FNDC3A: variants seen among roughly 807,000 people sequenced by gnomAD.
FNDC3A encodes fibronectin type-III domain-containing protein 3A.
In FNDC3A, 32 loss-of-function variants were observed where a neutral mutation model predicts 148.9. The ratio of observed to expected loss-of-function variants is 0.21; its 90% CI spans 0.16 to 0.29. FNDC3A has a LOEUF of 0.29. FNDC3A is among the 10% of genes least tolerant of loss of function. The pLI is 1.00. For missense variants in FNDC3A, 1,191 were observed against 1,452.8 expected, an observed-to-expected ratio of 0.82 and a Z score of 2.93; for synonymous variants, 472 against 473.6, an observed-to-expected ratio of 1.00 and a Z score of 0.04.
Position 49,175,612 on chromosome 13 carries a change from C to T in FNDC3A, c.1530+71C>T, listed in dbSNP as rs961250777. 58 of 1,000,462 alleles carry T rather than the reference C, an allele frequency of 5.8e-5. No homozygotes were observed. The Admixed American group carries it at 9.0e-4, about 16-fold the overall frequency. The allele number at this position is 1,000,462 out of a possible 1,614,324, so 62.0% of individuals were successfully genotyped here. ...AGCTTAAGGAGATTTTGGGCTGAGACGATGGCATTTTCTAAATATACAATC... is the reference window on the plus strand; with the variant it reads ...AGCTTAAGGAGATTTTGGGCTGAGATGATGGCATTTTCTAAATATACAATC... On this transcript the variant is annotated intron_variant, in intron 13 of 25. Coordinates refer to ENST00000492622, the MANE Select transcript of FNDC3A (RefSeq NM_001079673.2).
At chr13:49,064,822 G>C (rs1182134280) in intron 2 of FNDC3A, among the ~76,000 whole-genome samples, 1 of 152,088 alleles carries the variant, frequency 6.6e-6, no homozygotes, top group Non-Finnish European at 1.5e-5. Context: ...TAACATACAG[G>C]GTTTGGGAAA....
intron 24 of FNDC3A, among the ~76,000 whole-genome samples, chr13:49,202,950 G>T (rs1886488697): frequency 6.6e-6 from 1 of 152,178 alleles, no homozygotes; most frequent in Admixed American, 6.5e-5. Flanking sequence ...GTCCAGGCTG[G>T]GTGACAGAGT....
intron 2 of FNDC3A, among the ~76,000 whole-genome samples, chr13:49,017,397 C>CT (rs1296256535): frequency 6.6e-6 from 1 of 151,998 alleles, no homozygotes; most frequent in Non-Finnish European, 1.5e-5. Flanking sequence ...GGTTTAAAGT[C>CT]GTTTTATTAG....
chr13:49,195,940 A>G (rs1215614983), intron 19 of FNDC3A, among the ~76,000 whole-genome samples: 1 of 151,842 alleles, frequency 6.6e-6, no homozygotes, highest in African/African-American at 2.4e-5. Flanking sequence ...CCAGCATGGT[A>G]GTGCACACCC....
At chr13:48,982,685 C>T (rs1034897887) in intron 1 of FNDC3A, among the ~76,000 whole-genome samples, 1 of 152,118 alleles carries the variant, frequency 6.6e-6, no homozygotes, top group African/African-American at 2.4e-5. Context: ...TTTCCTTTGT[C>T]TTTGAGAGTC....
chr13:49,018,061 AATCTGAC>A (rs1426091634), intron 2 of FNDC3A, among the ~76,000 whole-genome samples: 2 of 151,618 alleles, frequency 1.3e-5, no homozygotes, highest in Non-Finnish European at 2.9e-5. Context: ...AACTTTGGTG[AATCTGAC>A]AATTATGTGT....
intron 23 of FNDC3A, among the ~76,000 whole-genome samples, chr13:49,199,401 C>T (rs1398397877): frequency 6.7e-6 from 1 of 150,290 alleles, no homozygotes; most frequent in Non-Finnish European, 1.5e-5. Flanking sequence ...GATCTCGGCT[C>T]ACTGCAATCT....
At chr13:49,169,954 A>G (rs1884669909) in intron 10 of FNDC3A, among the ~76,000 whole-genome samples, 1 of 152,232 alleles carries the variant, frequency 6.6e-6, no homozygotes, top group Non-Finnish European at 1.5e-5. Context: ...TTCCTTTGGT[A>G]GAGCAGTTGA....
chr13:49,145,818 C>T lies in FNDC3A; in HGVS notation c.860C>T (p.Ser287Leu), dbSNP rs960373295. 1.2e-6 allele frequency: 2 copies of T among 1,613,880 alleles called. No individual in the cohort carries two copies. The highest frequency in any genetic ancestry group is 1.7e-6 in the Non-Finnish European group (2 of 1,179,848). ...IQARTVVLTWSPPSSLINGET... is the reference protein window; with the variant it reads ...IQARTVVLTWLPPSSLINGET... The stretch of plus-strand genomic sequence containing the variant: ...GCAAGGACAGTAGTACTTACCTGGT[C>T]ACCACCTTCCAGCCTCATTAATGGT... The change falls in exon 8 of 26, where the codon TCA becomes TTA. Residue 287 changes from serine to leucine, a missense_variant. Physicochemically the swap from Ser to Leu is moderately radical, Grantham distance 145. This residue lies in a region of FNDC3A where 426 missense variants were observed against 473.2 expected (regional missense o/e 0.90). Coordinates refer to ENST00000492622, the MANE Select transcript of FNDC3A (RefSeq NM_001079673.2).
At position 49,207,180 on chromosome 13, in the gene FNDC3A, C is replaced by G. The variant is rs769123874; in HGVS notation, c.3382C>G (p.Leu1128Val). 1.6e-5 allele frequency: 26 copies of G among 1,614,152 alleles called. No homozygotes were observed. In the East Asian group the frequency reaches 5.1e-4, roughly 32 times the overall value. The change falls in exon 26 of 26, where the codon CTG becomes GTG. Residue 1128 changes from leucine to valine, a missense_variant. By Grantham distance (32) the Leu-to-Val change is conservative. Coordinates refer to ENST00000492622, the MANE Select transcript of FNDC3A (RefSeq NM_001079673.2). Reference protein sequence around the residue: ...VCAIRQCQDSLGHQDLVGPYS... With the variant: ...VCAIRQCQDSVGHQDLVGPYS... ...TGCCATTCGCCAGTGCCAAGACTCT[C>G]TGGGACACCAGGACCTCGTAGGTCC... is the stretch of plus-strand genomic sequence containing the variant.
Position 49,203,267 on chromosome 13 carries a change from G to A in FNDC3A, c.3265G>A (p.Asp1089Asn). ...IYSLQVMLGK[D>N]SEFKQIYKGP... ...CAGTCTTCAAGTTATGTTGGGAAAAGATTCAGAATTCAAACAGGTATGTAC... is the reference window on the plus strand; with the variant it reads ...CAGTCTTCAAGTTATGTTGGGAAAAAATTCAGAATTCAAACAGGTATGTAC... The change falls in exon 25 of 26, where the codon GAT (aspartate) becomes AAT (asparagine). Residue 1089 changes from aspartate to asparagine, a missense_variant. Coordinates refer to ENST00000492622, the MANE Select transcript of FNDC3A (RefSeq NM_001079673.2). 1 of 1,609,214 alleles carries A rather than the reference G, an allele frequency of 6.2e-7. No homozygotes were observed. The highest frequency in any genetic ancestry group is 8.5e-7 in the Non-Finnish European group (1 of 1,176,158).
intron 1 of FNDC3A, among the ~76,000 whole-genome samples, chr13:48,993,523 A>T (rs1483319413): frequency 6.6e-6 from 1 of 152,240 alleles, no homozygotes; most frequent in Non-Finnish European, 1.5e-5. Context: ...TAAGATTTGT[A>T]CATTTCTGGT....
intron 6 of FNDC3A, among the ~76,000 whole-genome samples, chr13:49,137,112 C>T (rs1882413174): frequency 6.6e-6 from 1 of 152,092 alleles, no homozygotes; most frequent in Non-Finnish European, 1.5e-5. Flanking sequence ...TAGGCCTGAG[C>T]CACTGTCCCC....
chr13:49,000,682 A>G (rs1952108516), intron 1 of FNDC3A, among the ~76,000 whole-genome samples: 1 of 152,216 alleles, frequency 6.6e-6, no homozygotes, highest in African/African-American at 2.4e-5. Context: ...CATTTTAACA[A>G]TATGAAATCT....
intron 12 of FNDC3A, 81 bp downstream of exon 12, chr13:49,174,640 A>G: frequency 2.4e-6 from 3 of 1,251,436 alleles, no homozygotes; most frequent in Non-Finnish European, 2.2e-6. Context: ...TACTGTCCAA[A>G]TTATTCATTA....
rs181409721 is a variant in FNDC3A at position 49,138,319 on chromosome 13, G to A, written c.761-428G>A. Among the ~76,000 whole-genome samples, 4 of 152,244 alleles carry A rather than the reference G, an allele frequency of 2.6e-5. No homozygotes were observed. In the East Asian group the frequency reaches 7.7e-4, roughly 29 times the overall value. On this transcript the variant is annotated intron_variant, in intron 6 of 25. Transcript: ENST00000492622. The stretch of plus-strand genomic sequence containing the variant: ...CTATCAGTGGTGGCTATAAGTTACA[G>A]TCAAGCCAATTATATTTCTAATTTG...
chr13:49,189,421 TC>T (rs1174035348), intron 17 of FNDC3A, among the ~76,000 whole-genome samples: 1 of 152,114 alleles, frequency 6.6e-6, no homozygotes, highest in Non-Finnish European at 1.5e-5. Flanking sequence ...GACTTCGTGA[TC>T]CACCGGCCTC....
At chr13:49,058,012 A>G (rs1401398363) in intron 2 of FNDC3A, among the ~76,000 whole-genome samples, 2 of 152,170 alleles carry the variant, frequency 1.3e-5, no homozygotes, top group Non-Finnish European at 2.9e-5. Context: ...AGATCTCTAA[A>G]GAAGTAATTA....
chr13:49,198,614 T>C, intron 23 of FNDC3A, 40 bp downstream of exon 23: 1 of 1,464,674 alleles, frequency 6.8e-7, no homozygotes, highest in Non-Finnish European at 9.6e-7. Flanking sequence ...GTTTCTTAGG[T>C]CTTAAGTATA....
Sources: gnomAD v4.1 joint callset for allele counts (sites outside exome capture counted in the v4.1 genomes callset) on GRCh38, gnomAD v4.1.1 for gene constraint, gnomAD v4.1.1 regional missense constraint, MANE v1.5 for transcripts, NCBI Gene and HGNC (gene_info 2026-07-23, HGNC 2026-07-21) for gene names.